Variants in NBEAL1 observed in about 807,000 individuals in gnomAD.
NBEAL1 encodes the protein neurobeachin-like protein 1.
In NBEAL1, 273 loss-of-function variants were observed where a neutral mutation model predicts 351.3. The ratio of observed to expected loss-of-function variants is 0.78; its 90% CI spans 0.70 to 0.86. The LOEUF (loss-of-function observed/expected upper bound fraction) is 0.86. Ranked by LOEUF, NBEAL1 falls within the 40% of genes least tolerant of loss-of-function variation. The pLI is 0.00. For missense variants in NBEAL1, 2,961 were observed against 3,201.3 expected (o/e 0.92, Z 1.81); for synonymous variants, 1,050 against 1,086.4 (o/e 0.97, Z 0.66).
chr2:203,220,066 T>C lies in NBEAL1; in HGVS notation c.*2712T>C, dbSNP rs560269180. Among the ~76,000 whole-genome samples, 5 of 152,308 alleles carry C rather than the reference T, an allele frequency of 3.3e-5. No homozygotes were observed. In the South Asian group the frequency reaches 1.0e-3, roughly 32 times the overall value. ...AAGTACTTTTGAGAATTCTGGTATA[T>C]TTAGATGTTACCCATAGAAATTAGT... On this transcript the variant is annotated 3_prime_UTR_variant, in exon 56 of 56. Coordinates refer to ENST00000683969, the MANE Select transcript of NBEAL1 (RefSeq NM_001378026.1).
At chr2:203,209,046 TA>T (rs2065694389) in intron 52 of NBEAL1, 114 bp from the exon 53 acceptor site, 1 of 816,832 alleles carries the variant, frequency 1.2e-6, no homozygotes, top group South Asian at 2.1e-5. Context: ...CTTGATGGAA[TA>T]ATCATTTTCT....
intron 2 of NBEAL1, among the ~76,000 whole-genome samples, chr2:203,033,330 A>G (rs1410569090): frequency 1.3e-5 from 2 of 152,218 alleles, no homozygotes; most frequent in Non-Finnish European, 2.9e-5. Context: ...GAAAGTTCCC[A>G]AATTTATTGT....
In NBEAL1 at chr2:203,136,082, A is replaced by C. The variant is rs2063199016; in HGVS notation, c.4219A>C (p.Ile1407Leu). 6.2e-7 allele frequency: 1 copy of C among 1,613,994 alleles called. No homozygotes were observed. The highest frequency in any genetic ancestry group is 2.2e-5 in the East Asian group (1 of 44,874). Residue 1407 changes from isoleucine (I) to leucine (L), a missense_variant, in exon 28 of 56, where the codon ATT becomes CTT. By Grantham distance (5) the Ile-to-Leu change is conservative. Transcript: ENST00000683969. ...ACATTTGAGTTTAGACCTCAGTGGA[A>C]TTGACTCATGTGAAATGAGTGATAG... ...PSHLSLDLSG[I>L]DSCEMSDSGS...
intron 34 of NBEAL1, 72 bp downstream of exon 34, chr2:203,149,220 C>T (rs1417547403): frequency 2.9e-6 from 3 of 1,038,988 alleles, no homozygotes; most frequent in Non-Finnish European, 4.0e-6. Context: ...TGAGCAAATG[C>T]CCCCTTTCAC....
intron 6 of NBEAL1, among the ~76,000 whole-genome samples, chr2:203,066,509 C>G (rs2061589056): frequency 6.6e-6 from 1 of 152,134 alleles, no homozygotes; most frequent in Non-Finnish European, 1.5e-5. Context: ...TCTGATCTCT[C>G]TTTCTTTTCC....
rs538084343 is a variant in NBEAL1 at position 203,088,262 on chromosome 2, A to AT, written c.1098+3700dup. Among the ~76,000 whole-genome samples the AT allele has an allele frequency of 1.7e-3, 260 of 152,284 alleles. 1 individual carries two copies. The highest frequency in any genetic ancestry group is 6.0e-3 in the African/African-American group (250 of 41,556). On this transcript the variant is annotated intron_variant, in intron 10 of 55. Transcript: ENST00000683969. ...AATTTGAAAATTAGGATTCATTACA[A>AT]TTTTTTTCACTACCAGTAAGTCTTT...
intron 46 of NBEAL1, chr2:203,190,745 G>A (rs746187999): frequency 6.1e-5 from 98 of 1,606,462 alleles, no homozygotes; most frequent in South Asian, 1.2e-4. Flanking sequence ...CGGTCGTCCC[G>A]AATCCGGGTT....
chr2:203,171,925 T>C lies in NBEAL1; in HGVS notation c.6103-3T>C, dbSNP rs761617608. 1 of 1,572,140 alleles carries C rather than the reference T, an allele frequency of 6.4e-7. No homozygotes were observed. The highest frequency in any genetic ancestry group is 8.7e-7 in the Non-Finnish European group (1 of 1,155,098). ...TGATATTGCTCTTTTTTGTGCTGTC[T>C]AGAAATGGGTAAACAGAGAGATATC... is the stretch of plus-strand genomic sequence containing the variant. On this transcript the variant is annotated splice_polypyrimidine_tract_variant and splice_region_variant and intron_variant, in intron 39 of 55. Transcript: ENST00000683969.
At chr2:203,183,481 G>C in intron 44 of NBEAL1, 93 bp downstream of exon 44, 2 of 714,336 alleles carry the variant, frequency 2.8e-6, no homozygotes, top group South Asian at 2.1e-5. Context: ...TATTTTTCTA[G>C]ATTAATTTGT....
At chr2:203,079,302 G>A (rs2061832125) in intron 8 of NBEAL1, among the ~76,000 whole-genome samples, 1 of 152,106 alleles carries the variant, frequency 6.6e-6, no homozygotes, top group South Asian at 2.1e-4. Context: ...CCCAGGTTGA[G>A]CAATTCGTGG....
chr2:203,175,096 T>C, intron 41 of NBEAL1, 51 bp from the exon 42 acceptor site: 1 of 1,471,410 alleles, frequency 6.8e-7, no homozygotes, highest in Non-Finnish European at 9.4e-7. Context: ...TTATGCCCCC[T>C]TATGTACTTT....
intron 29 of NBEAL1, among the ~76,000 whole-genome samples, chr2:203,137,625 T>G (rs1390393791): frequency 6.6e-5 from 10 of 152,358 alleles, no homozygotes; most frequent in African/African-American, 1.9e-4. Flanking sequence ...AACTTTTGAC[T>G]TTTAATACTA....
At position 203,192,963 on chromosome 2, in the gene NBEAL1, CT is replaced by C. The variant is rs71408917; in HGVS notation, c.6922-806del. On this transcript the variant is annotated intron_variant, in intron 46 of 55. Transcript: ENST00000683969. The stretch of plus-strand genomic sequence containing the variant: ...CAGTATTGACTTTTTTTCTTTCTTT[CT>C]TTTTTTTTTTTTTTTTTTTTTTTTT... Among the ~76,000 whole-genome samples the C allele has an allele frequency of 6.3e-3, 627 of 99,348 alleles. 12 individuals carry two copies. Among genetic ancestry groups the C allele is most frequent in the African/African-American group, 0.022 (564 of 25,954 alleles). The allele number at this position is 99,348 out of a possible 152,430, so 65.2% of individuals were successfully genotyped here. A position where few individuals can be genotyped will look rare whatever the true frequency, so the allele number is the denominator to read the frequency against.
intron 46 of NBEAL1, among the ~76,000 whole-genome samples, chr2:203,192,937 A>ACAG (rs2065132358): frequency 6.9e-6 from 1 of 145,002 alleles, no homozygotes; most frequent in East Asian, 2.1e-4. Flanking sequence ...TTTGATTCTG[A>ACAG]CAGTATTGAC....
At chr2:203,114,803 A>G (rs1206574750) in intron 17 of NBEAL1, among the ~76,000 whole-genome samples, 1 of 151,564 alleles carries the variant, frequency 6.6e-6, no homozygotes, top group East Asian at 1.9e-4. Flanking sequence ...CCCAGGCTGG[A>G]GTGCAGTGGC....
intron 3 of NBEAL1, among the ~76,000 whole-genome samples, chr2:203,046,339 T>C (rs2061225274): frequency 6.6e-6 from 1 of 151,890 alleles, no homozygotes; most frequent in Non-Finnish European, 1.5e-5. Flanking sequence ...CCTCAGCCTC[T>C]CGAGTAGCCA....
chr2:203,124,504 G>A (rs2062897219), intron 19 of NBEAL1, among the ~76,000 whole-genome samples: 1 of 152,128 alleles, frequency 6.6e-6, no homozygotes, highest in South Asian at 2.1e-4. Context: ...TGAAATGATA[G>A]AAATGTTAAT....
At chr2:203,178,204 G>C (rs1160521342) in intron 42 of NBEAL1, among the ~76,000 whole-genome samples, 4 of 136,734 alleles carry the variant, frequency 2.9e-5, no homozygotes, top group African/African-American at 1.1e-4. Context: ...TCACTCTGTC[G>C]CCCAGGCTGG....
chr2:203,112,975 A>T (rs1215834287), intron 16 of NBEAL1, 40 bp from the exon 17 acceptor site: 1 of 1,406,054 alleles, frequency 7.1e-7, no homozygotes, highest in African/African-American at 1.5e-5. Context: ...ATGAGGATAT[A>T]TGTTAATTAA....
Sources: allele counts gnomAD v4.1 joint callset (sites outside exome capture counted in the v4.1 genomes callset), GRCh38; gene constraint gnomAD v4.1.1; transcripts MANE v1.5; gene names NCBI Gene and HGNC (gene_info 2026-07-23, HGNC 2026-07-21).